KAT6B: variants seen among roughly 807,000 people sequenced by gnomAD.
The protein encoded by KAT6B is histone acetyltransferase KAT6B.
KAT6B carries 10 observed loss-of-function variants against 187.5 expected under a neutral mutation model. The ratio of observed to expected loss-of-function variants is 0.05; its 90% CI spans 0.03 to 0.09. KAT6B has a LOEUF of 0.09. KAT6B is among the 10% of genes least tolerant of loss of function. The pLI is 1.00. For missense variants in KAT6B, 1,952 were observed against 2,558.9 expected, an observed-to-expected ratio of 0.76 and a Z score of 5.12; for synonymous variants, 861 against 926.8, an observed-to-expected ratio of 0.93 and a Z score of 1.29.
intron 3 of KAT6B, among the ~76,000 whole-genome samples, chr10:74,954,081 G>A (rs552198869): frequency 1.3e-5 from 2 of 152,266 alleles, no homozygotes; most frequent in South Asian, 4.1e-4. Flanking sequence ...GATCTGGAAG[G>A]AACCTTTGAA....
At chr10:74,889,912 C>A (rs991589049) in intron 3 of KAT6B, among the ~76,000 whole-genome samples, 2 of 152,026 alleles carry the variant, frequency 1.3e-5, no homozygotes, top group Non-Finnish European at 2.9e-5. Flanking sequence ...GATGACTCTT[C>A]AAGAAGGGAT....
Position 74,955,383 on chromosome 10 carries a change from T to TCCC in KAT6B, c.622-4577_622-4575dup, listed in dbSNP as rs34174594. ...TTGAGAGTAAAGGGACACAATTTTA[T>TCCC]CCCCCCCCCCCCAACTTTTTGTTTG... On this transcript the variant is annotated intron_variant, in intron 3 of 17. Transcript: ENST00000287239. Among the ~76,000 whole-genome samples, 586 of 101,360 alleles carry TCCC rather than the reference T, an allele frequency of 5.8e-3. 11 individuals carry two copies. Among genetic ancestry groups the TCCC allele is most frequent in the African/African-American group, 9.3e-3 (241 of 25,858 alleles). The allele number at this position is 101,360 out of a possible 152,430, so 66.5% of individuals were successfully genotyped here.
intron 3 of KAT6B, among the ~76,000 whole-genome samples, chr10:74,933,453 C>T (rs1200197650): frequency 6.6e-6 from 1 of 152,202 alleles, no homozygotes; most frequent in Non-Finnish European, 1.5e-5. Flanking sequence ...TGAGCCCCAA[C>T]TGCAAGATAG....
At chr10:74,854,173 A>G (rs1842672024) in intron 3 of KAT6B, among the ~76,000 whole-genome samples, 1 of 152,228 alleles carries the variant, frequency 6.6e-6, no homozygotes, top group South Asian at 2.1e-4. Flanking sequence ...AAGTTAGCAA[A>G]TGCGTCAGCC....
At chr10:74,887,593 G>A (rs1174941131) in intron 3 of KAT6B, among the ~76,000 whole-genome samples, 1 of 152,162 alleles carries the variant, frequency 6.6e-6, no homozygotes, top group Non-Finnish European at 1.5e-5. Flanking sequence ...CCAAAGTGCT[G>A]AGATTACAAG....
At chr10:74,945,343 G>A (rs1171997527) in intron 3 of KAT6B, among the ~76,000 whole-genome samples, 1 of 152,234 alleles carries the variant, frequency 6.6e-6, no homozygotes, top group African/African-American at 2.4e-5. Flanking sequence ...GAAAGCAGAT[G>A]AGTGATTGCC....
Position 74,952,690 on chromosome 10 carries a change from C to CT in KAT6B, c.622-7267dup, listed in dbSNP as rs932430103. Reference sequence around the variant, plus strand: ...GCAAACTAAAGAGACACAGAAGAGTCTTTTTTTTTTTTTAAGATGGAGTTT... The same window carrying CT: ...GCAAACTAAAGAGACACAGAAGAGTCTTTTTTTTTTTTTTAAGATGGAGTTT... On this transcript the variant is annotated intron_variant, in intron 3 of 17. Transcript: ENST00000287239. Among the ~76,000 whole-genome samples, 239 of 143,040 alleles carry CT rather than the reference C, an allele frequency of 1.7e-3. 1 individual carries two copies. The highest frequency in any genetic ancestry group is 7.2e-3 in the East Asian group (36 of 4,976). The allele number at this position is 143,040 out of a possible 152,430, so 93.8% of individuals were successfully genotyped here.
At chr10:74,982,320 T>C (rs1217977707) in intron 11 of KAT6B, 1 of 287,182 alleles carries the variant, frequency 3.5e-6, no homozygotes, top group African/African-American at 2.2e-5. Context: ...CAGCTGTACA[T>C]ATCTCCTCAA....
At chr10:75,023,346 T>A (rs928268904) in intron 16 of KAT6B, 3 of 152,248 alleles carry the variant, frequency 2.0e-5, no homozygotes, top group Admixed American at 2.0e-4. Context: ...CTGGCAGTCT[T>A]CTGGAAGGGT....
intron 3 of KAT6B, among the ~76,000 whole-genome samples, chr10:74,951,370 G>T (rs1840308053): frequency 4.0e-5 from 6 of 151,872 alleles, no homozygotes; most frequent in Admixed American, 3.9e-4. Context: ...GGCCTCAAAT[G>T]ATCTGCCTGC....
At chr10:74,959,522 T>C (rs1188157447) in intron 3 of KAT6B, among the ~76,000 whole-genome samples, 1 of 152,228 alleles carries the variant, frequency 6.6e-6, no homozygotes, top group Non-Finnish European at 1.5e-5. Context: ...TAGTGTCAAA[T>C]AATTTAAGAG....
chr10:74,860,864 G>A (rs980736225), intron 3 of KAT6B, among the ~76,000 whole-genome samples: 4 of 152,028 alleles, frequency 2.6e-5, no homozygotes, highest in Admixed American at 6.6e-5. Flanking sequence ...TGGGCCAGGC[G>A]CAGTGGCTCA....
At chr10:74,977,709 G>T (rs965777858) in intron 9 of KAT6B, among the ~76,000 whole-genome samples, 1 of 152,164 alleles carries the variant, frequency 6.6e-6, no homozygotes, top group Non-Finnish European at 1.5e-5. Flanking sequence ...ACATTTCTAG[G>T]TGTGAAGGAA....
chr10:74,889,251 C>T (rs1445455532), intron 3 of KAT6B, among the ~76,000 whole-genome samples: 1 of 152,232 alleles, frequency 6.6e-6, no homozygotes, highest in South Asian at 2.1e-4. Context: ...TTTAAAAATA[C>T]ATATTTATAT....
chr10:74,891,382 G>A (rs1471587955), intron 3 of KAT6B, among the ~76,000 whole-genome samples: 1 of 152,158 alleles, frequency 6.6e-6, no homozygotes. Context: ...GAAATGTGGT[G>A]GCAACTCTTG....
At chr10:74,858,825 C>T (rs1393838706) in intron 3 of KAT6B, among the ~76,000 whole-genome samples, 1 of 151,924 alleles carries the variant, frequency 6.6e-6, no homozygotes, top group African/African-American at 2.4e-5. Context: ...CATGGTGGCT[C>T]ACGCCTGTAG....
intron 3 of KAT6B, among the ~76,000 whole-genome samples, chr10:74,847,809 T>C (rs935863996): frequency 2.0e-5 from 3 of 152,132 alleles, no homozygotes; most frequent in African/African-American, 7.2e-5. Context: ...TAGAAATTCT[T>C]AGCCCGGGAT....
At chr10:74,970,422 C>T (rs1841774898) in intron 6 of KAT6B, among the ~76,000 whole-genome samples, 2 of 152,064 alleles carry the variant, frequency 1.3e-5, no homozygotes, top group African/African-American at 2.4e-5. Flanking sequence ...AAGTTTAGAA[C>T]ACTTTCCATA....
rs537082070 is a variant in KAT6B at position 74,980,554 on chromosome 10, A to G, written c.2231+1215A>G. Among the ~76,000 whole-genome samples the G allele has an allele frequency of 1.4e-4, 21 of 152,356 alleles. No homozygotes were observed. The South Asian group carries it at 4.1e-3, about 30-fold the overall frequency. ...TAAAAGACTATGAGCTTTAATTTGC[A>G]TAGGTAATGATAAGCCATGTGCTCT... On this transcript the variant is annotated intron_variant, in intron 10 of 17. Coordinates refer to ENST00000287239, the MANE Select transcript of KAT6B (RefSeq NM_012330.4).
Sources: gnomAD v4.1 joint callset for allele counts (sites outside exome capture counted in the v4.1 genomes callset) on GRCh38, gnomAD v4.1.1 for gene constraint, MANE v1.5 for transcripts, NCBI Gene and HGNC (gene_info 2026-07-23, HGNC 2026-07-21) for gene names.